RBFOX1: variants seen among roughly 807,000 people sequenced by gnomAD.
The protein encoded by RBFOX1 is RNA binding fox-1 homolog 1.
Under a neutral mutation model 57.7 loss-of-function variants are expected in RBFOX1, and 8 were observed. That is an observed-to-expected ratio of 0.14 (90% confidence interval 0.08 to 0.25). The LOEUF is 0.25. Among genes scored for constraint, RBFOX1 ranks in the 10% least tolerant of loss-of-function variants. The pLI is 1.00. For synonymous variants in RBFOX1, 326 were observed against 222.4 expected, an observed-to-expected ratio of 1.47 and a Z score of -4.15; for missense variants, 611 against 548.5, an observed-to-expected ratio of 1.11 and a Z score of -1.14.
chr16:6,439,638 T>C (rs1435023483), intron 2 of RBFOX1, among the ~76,000 whole-genome samples: 2 of 152,058 alleles, frequency 1.3e-5, no homozygotes, highest in Non-Finnish European at 2.9e-5. Context: ...ACCACTATTC[T>C]CTCCTGTGTG....
chr16:6,322,248 T>C (rs749048566), intron 2 of RBFOX1, among the ~76,000 whole-genome samples: 37 of 152,288 alleles, frequency 2.4e-4, no homozygotes, highest in Admixed American at 8.5e-4. Flanking sequence ...AGCCAACAGA[T>C]TGCAGGACTA....
At chr16:6,503,798 C>A (rs546476022) in intron 2 of RBFOX1, among the ~76,000 whole-genome samples, 2 of 152,152 alleles carry the variant, frequency 1.3e-5, no homozygotes, top group Non-Finnish European at 2.9e-5. Flanking sequence ...GCTTCACACT[C>A]ACCTGGAAAA....
chr16:7,460,389 A>G (rs796219678), intron 4 of RBFOX1, among the ~76,000 whole-genome samples: 2,565 of 87,254 alleles, frequency 0.029, 99 homozygotes, highest in Middle Eastern at 0.048. Flanking sequence ...ATATATATAT[A>G]TGTGTGTGTG....
intron 4 of RBFOX1, among the ~76,000 whole-genome samples, chr16:7,214,594 G>C (rs532453256): frequency 8.2e-4 from 125 of 152,118 alleles, no homozygotes; most frequent in African/African-American, 2.9e-3. Context: ...ATCGTCTGCA[G>C]CCAGAGTAAT....
chr16:6,877,568 C>G (rs1348904404), intron 3 of RBFOX1, among the ~76,000 whole-genome samples: 2 of 152,032 alleles, frequency 1.3e-5, no homozygotes, highest in African/African-American at 2.4e-5. Context: ...ATTCACAGCC[C>G]CAGAGTCTTG....
At chr16:7,270,048 A>C (rs536443362) in intron 4 of RBFOX1, among the ~76,000 whole-genome samples, 1 of 152,186 alleles carries the variant, frequency 6.6e-6, no homozygotes, top group African/African-American at 2.4e-5. Context: ...TCTTAACACA[A>C]TGTGAAATAC....
chr16:6,100,340 T>A (rs1365865100), intron 1 of RBFOX1, among the ~76,000 whole-genome samples: 2 of 152,164 alleles, frequency 1.3e-5, no homozygotes, highest in African/African-American at 4.8e-5. Context: ...TGTTTTGTAT[T>A]TTTAGTAGAG....
intron 2 of RBFOX1, among the ~76,000 whole-genome samples, chr16:6,490,075 C>G (rs1372604455): frequency 1.3e-5 from 2 of 152,182 alleles, no homozygotes; most frequent in Non-Finnish European, 1.5e-5. Context: ...CCAGCTTGAT[C>G]TCAGCTAATG....
At chr16:5,339,476 T>G (rs1357477344) in intron 1 of RBFOX1, among the ~76,000 whole-genome samples, 976 of 91,504 alleles carry the variant, frequency 0.011, 30 homozygotes, top group African/African-American at 0.051. Flanking sequence ...CCGTGTTTTT[T>G]TTTTTTTTTT....
At chr16:7,316,250 C>T (rs781650180) in intron 4 of RBFOX1, among the ~76,000 whole-genome samples, 1 of 152,188 alleles carries the variant, frequency 6.6e-6, no homozygotes, top group Admixed American at 6.5e-5. Context: ...CATAAGACAA[C>T]TATCTGCTTA....
At chr16:7,328,040 A>C (rs1460433399) in intron 4 of RBFOX1, among the ~76,000 whole-genome samples, 1 of 151,946 alleles carries the variant, frequency 6.6e-6, no homozygotes, top group Non-Finnish European at 1.5e-5. Context: ...AGAGGCTACC[A>C]CTCAGAAGGG....
chr16:6,689,578 A>G (rs368776208), intron 3 of RBFOX1, among the ~76,000 whole-genome samples: 2 of 152,158 alleles, frequency 1.3e-5, no homozygotes, highest in Non-Finnish European at 2.9e-5. Flanking sequence ...CAGCCTGTCT[A>G]TGACAATGTC....
chr16:5,484,287 C>T (rs1471798924), intron 2 of RBFOX1, among the ~76,000 whole-genome samples: 3 of 152,246 alleles, frequency 2.0e-5, no homozygotes, highest in African/African-American at 7.2e-5. Context: ...CCCTTCAGTT[C>T]TTTCTGGCTG....
At chr16:7,123,172 A>G (rs1488257919) in intron 4 of RBFOX1, among the ~76,000 whole-genome samples, 1 of 152,162 alleles carries the variant, frequency 6.6e-6, no homozygotes, top group African/African-American at 2.4e-5. Context: ...GAAATTGTAC[A>G]TCCAAACTTT....
chr16:6,189,457 C>T lies in RBFOX1; in HGVS notation c.-126-127538C>T, dbSNP rs572283574. Reference sequence around the variant, plus strand: ...CAGTGACAGAGAACTGTTGGGTTGCCGGGGCTAATTGCTATTTAGCTCTTT... The same window carrying T: ...CAGTGACAGAGAACTGTTGGGTTGCTGGGGCTAATTGCTATTTAGCTCTTT... On this transcript the variant is annotated intron_variant, in intron 1 of 15. Coordinates refer to ENST00000550418, the MANE Select transcript of RBFOX1 (RefSeq NM_018723.4). Among the ~76,000 whole-genome samples, 14 of 152,284 alleles carry T rather than the reference C, an allele frequency of 9.2e-5. No homozygotes were observed. The South Asian group carries it at 1.4e-3, about 16-fold the overall frequency.
chr16:7,062,589 A>G (rs6500913), intron 4 of RBFOX1, among the ~76,000 whole-genome samples: 1 of 151,844 alleles, frequency 6.6e-6, no homozygotes, highest in Non-Finnish European at 1.5e-5. Flanking sequence ...AGTCTTGGAG[A>G]GAGGATAAAT....
chr16:7,303,608 A>T (rs566270452), intron 4 of RBFOX1, among the ~76,000 whole-genome samples: 25 of 152,122 alleles, frequency 1.6e-4, no homozygotes, highest in Non-Finnish European at 3.5e-4. Context: ...AGCGAAGGGG[A>T]GGGAAGGAAA....
At chr16:5,851,973 C>T (rs2056908268) in intron 3 of RBFOX1, among the ~76,000 whole-genome samples, 1 of 152,118 alleles carries the variant, frequency 6.6e-6, no homozygotes, top group African/African-American at 2.4e-5. Context: ...ACTTACGAGC[C>T]ATATGAGTTA....
At chr16:6,657,055 C>T (rs2098662293) in intron 3 of RBFOX1, among the ~76,000 whole-genome samples, 1 of 117,446 alleles carries the variant, frequency 8.5e-6, no homozygotes, top group Non-Finnish European at 1.7e-5. Flanking sequence ...CTCCTCTCCT[C>T]CCCTTTCCTC....
Sources: gnomAD v4.1 joint callset for allele counts (sites outside exome capture counted in the v4.1 genomes callset) on GRCh38, gnomAD v4.1.1 for gene constraint, MANE v1.5 for transcripts, NCBI Gene and HGNC (gene_info 2026-07-23, HGNC 2026-07-21) for gene names.